The following CBL variants were observed in gnomAD, a reference collection of about 807,000 sequenced individuals.
CBL encodes the protein E3 ubiquitin-protein ligase CBL.
In CBL, 45 loss-of-function variants were observed where a neutral mutation model predicts 96.9. That is an observed-to-expected ratio of 0.46 (90% CI 0.37 to 0.60). CBL has a LOEUF of 0.60. Ranked by LOEUF, CBL falls within the 20% of genes least tolerant of loss-of-function variation. CBL has a pLI of 0.00. For synonymous variants in CBL, 420 were observed against 426.8 expected, an observed-to-expected ratio of 0.98 and a Z score of 0.20; for missense variants, 1,024 against 1,143.5, an observed-to-expected ratio of 0.90 and a Z score of 1.51.
chr11:119,289,901 C>G (rs916145164), intron 12 of CBL, among the ~76,000 whole-genome samples: 15 of 152,194 alleles, frequency 9.9e-5, no homozygotes, highest in African/African-American at 3.6e-4. Context: ...CGCCACCATG[C>G]CTGGCTAGGT....
intron 1 of CBL, among the ~76,000 whole-genome samples, chr11:119,223,252 A>C (rs568000404): frequency 8.2e-4 from 116 of 141,184 alleles, no homozygotes; most frequent in African/African-American, 1.5e-3. Context: ...AGCTGGTCTC[A>C]AACTCCTAGG....
rs933058944 is a variant in CBL at position 119,206,497 on chromosome 11, G to T, written c.80G>T (p.Gly27Val). Residue 27 changes from glycine (G) to valine (V), a missense_variant, in exon 1 of 16, where the codon GGG becomes GTG. Physicochemically the swap from Gly to Val is moderately radical, Grantham distance 109. Coordinates refer to ENST00000264033, the MANE Select transcript of CBL (RefSeq NM_005188.4). ...SGGSGSGGLI[G>V]LMKDAFQPHH... ...GGCTCGGGTTCGGGTGGCCTGATTG[G>T]GCTCATGAAGGACGCCTTCCAGCCG... 5 of 1,570,074 alleles carry T rather than the reference G, an allele frequency of 3.2e-6. No individual in the cohort carries two copies. The highest frequency in any genetic ancestry group is 4.3e-6 in the Non-Finnish European group (5 of 1,159,424).
chr11:119,253,960 A>G (rs1949691301), intron 2 of CBL, among the ~76,000 whole-genome samples: 1 of 146,152 alleles, frequency 6.8e-6, no homozygotes, highest in African/African-American at 2.5e-5. Flanking sequence ...TTTGAGTACA[A>G]CCTAGTCAAC....
intron 1 of CBL, among the ~76,000 whole-genome samples, chr11:119,222,071 T>C (rs898583607): frequency 2.6e-5 from 4 of 152,208 alleles, no homozygotes; most frequent in African/African-American, 9.6e-5. Context: ...GCTCCACATA[T>C]TGAATACTTG....
chr11:119,224,717 A>G (rs1205484364), intron 1 of CBL, among the ~76,000 whole-genome samples: 1 of 151,842 alleles, frequency 6.6e-6, no homozygotes, highest in Non-Finnish European at 1.5e-5. Flanking sequence ...CAGCCTCCTG[A>G]GTAGCTGGGA....
At chr11:119,229,562 C>G (rs978019371) in intron 1 of CBL, among the ~76,000 whole-genome samples, 3 of 151,998 alleles carry the variant, frequency 2.0e-5, no homozygotes, top group African/African-American at 7.3e-5. Context: ...TTGTGGTGAG[C>G]TATGATTGAG....
chr11:119,253,892 G>A (rs1315015427), intron 2 of CBL, among the ~76,000 whole-genome samples: 5 of 148,406 alleles, frequency 3.4e-5, no homozygotes, highest in African/African-American at 7.5e-5. Flanking sequence ...GTTGGCTCAC[G>A]TTTGTAAGTA....
At chr11:119,234,009 T>C (rs1343617947) in intron 2 of CBL, among the ~76,000 whole-genome samples, 5 of 152,178 alleles carry the variant, frequency 3.3e-5, no homozygotes, top group African/African-American at 1.2e-4. Flanking sequence ...TCTTTTGTTT[T>C]GTTTTGTTTT....
intron 1 of CBL, among the ~76,000 whole-genome samples, chr11:119,227,597 C>T (rs1187053541): frequency 6.6e-6 from 1 of 151,420 alleles, no homozygotes; most frequent in East Asian, 1.9e-4. Context: ...GTTGCCCAGG[C>T]TGGAGTGCAA....
chr11:119,240,304 A>G (rs1949575044), intron 2 of CBL, among the ~76,000 whole-genome samples: 1 of 152,076 alleles, frequency 6.6e-6, no homozygotes, highest in Admixed American at 6.6e-5. Context: ...CAATTAAAAA[A>G]AAAAAGAAAA....
intron 2 of CBL, among the ~76,000 whole-genome samples, chr11:119,234,910 C>G (rs532329229): frequency 6.6e-6 from 1 of 152,140 alleles, no homozygotes; most frequent in Admixed American, 6.6e-5. Flanking sequence ...CAAGAAAAGT[C>G]TTTTAACACA....
intron 2 of CBL, among the ~76,000 whole-genome samples, chr11:119,241,718 G>A (rs2135272658): frequency 6.6e-6 from 1 of 152,314 alleles, no homozygotes; most frequent in Non-Finnish European, 1.5e-5. Flanking sequence ...TTTGGGCTTG[G>A]TGGGAAGAGA....
At chr11:119,210,839 T>C (rs1036869377) in intron 1 of CBL, among the ~76,000 whole-genome samples, 1 of 152,058 alleles carries the variant, frequency 6.6e-6, no homozygotes, top group Non-Finnish European at 1.5e-5. Context: ...TCAGGGCCAC[T>C]GTAAATACAG....
intron 15 of CBL, among the ~76,000 whole-genome samples, 191 bp from the exon 16 acceptor site, chr11:119,299,304 T>C (rs981813611): frequency 6.6e-6 from 1 of 152,178 alleles, no homozygotes; most frequent in African/African-American, 2.4e-5. Context: ...ATTTAGAAGG[T>C]TGTTTTTATT....
At chr11:119,217,239 C>T (rs1300529717) in intron 1 of CBL, among the ~76,000 whole-genome samples, 1 of 152,120 alleles carries the variant, frequency 6.6e-6, no homozygotes, top group Non-Finnish European at 1.5e-5. Flanking sequence ...TGCTCAGCCT[C>T]CCGAGTAGCT....
rs1052118466 is a variant in CBL at position 119,216,384 on chromosome 11, A to ATTTT, written c.195+9775_195+9778dup. ...TATTTATTTATTTATTTATTTATTTATTTTTTGAGATGGAGTCTTGCTCTG... is the reference window on the plus strand; with the variant it reads ...TATTTATTTATTTATTTATTTATTTATTTTTTTTTTGAGATGGAGTCTTGCTCTG... On this transcript the variant is annotated intron_variant, in intron 1 of 15. Transcript: ENST00000264033. 4.4e-5 allele frequency among the ~76,000 whole-genome samples: 6 copies of ATTTT among 136,092 alleles called. No homozygotes were observed. The East Asian group carries it at 8.6e-4, about 19-fold the overall frequency. 89.3% of individuals were successfully genotyped at this position (136,092 alleles called of 152,430 possible).
intron 9 of CBL, among the ~76,000 whole-genome samples, chr11:119,282,142 A>G (rs1030048943): frequency 2.1e-5 from 3 of 145,112 alleles, no homozygotes; most frequent in Non-Finnish European, 4.4e-5. Context: ...GTTCCATACC[A>G]GCCTGGCCAG....
At chr11:119,275,173 G>A (rs1191312782) in intron 5 of CBL, among the ~76,000 whole-genome samples, 1 of 152,194 alleles carries the variant, frequency 6.6e-6, no homozygotes, top group African/African-American at 2.4e-5. Flanking sequence ...GGGCACAGTG[G>A]CTCACGCCTG....
chr11:119,217,809 A>T (rs1433183546), intron 1 of CBL, among the ~76,000 whole-genome samples: 1 of 152,078 alleles, frequency 6.6e-6, no homozygotes, highest in Non-Finnish European at 1.5e-5. Context: ...GGTGGCTCAC[A>T]CCTGTAATCC....
Sources: allele counts gnomAD v4.1 joint callset (sites outside exome capture counted in the v4.1 genomes callset), GRCh38; gene constraint gnomAD v4.1.1; transcripts MANE v1.5; gene names NCBI Gene and HGNC (gene_info 2026-07-23, HGNC 2026-07-21).